ATG9B: variants seen among roughly 807,000 people sequenced by gnomAD.
ATG9B encodes the protein autophagy related 9B.
A neutral mutation model predicts 92.9 loss-of-function variants in ATG9B; 92 were observed. That is an observed-to-expected ratio of 0.99 (90% confidence interval 0.84 to 1.18). The LOEUF is 1.18. ATG9B is among the 50% of genes most tolerant of loss of function. The probability of loss-of-function intolerance (pLI) is 0.00; values close to 1 mark genes in which losing one functional copy is unlikely to be tolerated. For synonymous variants in ATG9B, 599 were observed against 551.4 expected (o/e 1.09, Z -1.21); for missense variants, 1,344 against 1,235.0 (o/e 1.09, Z -1.32).
rs1313150935 is a variant in ATG9B, at chr7:151,018,418, C to G, written c.1748G>C (p.Gly583Ala). ...CTGCAGCAGGAGCTGCGGCGCACGACCCTGGCACTGCTCTTCCGGAATGAA... is the reference window on the plus strand; with the variant it reads ...CTGCAGCAGGAGCTGCGGCGCACGAGCCTGGCACTGCTCTTCCGGAATGAA... ...RSFIPEEQCQ[G>A]RAPQLLLQTA... The change falls in exon 7 of 14, where the codon GGT (glycine) becomes GCT (alanine). Residue 583 changes from glycine to alanine, a missense_variant. Transcript: ENST00000639579. The surrounding 1 kb of genome is among the most constrained non-coding windows in gnomAD (Gnocchi z 4.7). 1.9e-6 allele frequency: 3 copies of G among 1,543,108 alleles called. No individual in the cohort carries two copies. The highest frequency in any genetic ancestry group is 2.6e-6 in the Non-Finnish European group (3 of 1,145,396).
At position 151,018,538 on chromosome 7, in the gene ATG9B, GTAAGGA is replaced by G; in HGVS notation, c.1718+76_1718+81del. On this transcript the variant is annotated intron_variant, in intron 6 of 13. Coordinates refer to ENST00000639579, the MANE Select transcript of ATG9B (RefSeq NM_001317056.2). This position sits in a 1 kb window ranked among gnomAD's most constrained non-coding sequence, Gnocchi z 4.7. ...CTAGAGGGCCCCAGTGGTGGGAGAG[GTAAGGA>G]TTCGGGGGGAACCTCACATGGCCCC... 1 of 1,527,432 alleles carries G rather than the reference GTAAGGA, an allele frequency of 6.5e-7. No individual in the cohort carries two copies. The highest frequency in any genetic ancestry group is 8.8e-7 in the Non-Finnish European group (1 of 1,139,788). 94.6% of individuals were successfully genotyped at this position (1,527,432 alleles called of 1,614,324 possible). A position where few individuals can be genotyped will look rare whatever the true frequency, so the allele number is the denominator to read the frequency against.
rs769824480 is a variant in ATG9B at position 151,017,981 on chromosome 7, G to T, written c.1942C>A (p.Arg648Ser). ...AAAAAGTCGATAATCTCCAGGGCAC[G>T]AGGGCGGAACCAGAAAAGCAGAAAC... ...PLFLLFWFRP[R>S]ALEIIDFFHH... Residue 648 changes from arginine to serine, a missense_variant, in exon 8 of 14, where the codon CGT (arginine) becomes AGT (serine). Coordinates refer to ENST00000639579, the MANE Select transcript of ATG9B (RefSeq NM_001317056.2). The T allele has an allele frequency of 2.5e-6, 4 of 1,606,064 alleles. No homozygotes were observed. In the South Asian group the frequency reaches 4.5e-5, roughly 18 times the overall value.
chr7:151,019,317 G>A lies in ATG9B; in HGVS notation c.1021C>T (p.Arg341Trp), dbSNP rs556780378. The part of the protein sequence containing the change: ...EVQSRLLALQ[R>W]SGGLCVQPRP... ...GGCTGCACGCACAGGCCCCCGCTCC[G>A]CTGCAGTGCCAAGAGGCGGGACTGC... The change falls in exon 6 of 14, where the codon CGG becomes TGG. Residue 341 changes from arginine (R) to tryptophan (W), a missense_variant. Physicochemically the swap from Arg to Trp is moderately radical, Grantham distance 101. Transcript: ENST00000639579. The A allele has an allele frequency of 6.3e-6, 10 of 1,576,526 alleles. No homozygotes were observed. Among genetic ancestry groups the A allele is most frequent in the Non-Finnish European group, 8.6e-6 (10 of 1,168,946 alleles).
intron 8 of ATG9B, 53 bp from the exon 9 acceptor site, chr7:151,017,325 C>G: frequency 6.7e-7 from 1 of 1,492,816 alleles, no homozygotes; most frequent in Non-Finnish European, 9.0e-7. Context: ...CTTATGGGAA[C>G]AGGTGGGACA....
rs947403573 is a variant in ATG9B at position 151,018,547 on chromosome 7, C to T, written c.1718+73G>A. On this transcript the variant is annotated intron_variant, in intron 6 of 13. Coordinates refer to ENST00000639579, the MANE Select transcript of ATG9B (RefSeq NM_001317056.2). The surrounding 1 kb of genome is among the most constrained non-coding windows in gnomAD (Gnocchi z 4.7). ...CCCAGTGGTGGGAGAGGTAAGGATT[C>T]GGGGGGAACCTCACATGGCCCCAGA... 2 of 1,533,198 alleles carry T rather than the reference C, an allele frequency of 1.3e-6. No individual in the cohort carries two copies. The allele number at this position is 1,533,198 out of a possible 1,614,324, so 95.0% of individuals were successfully genotyped here.
At position 151,022,947 on chromosome 7, in the gene ATG9B, A is replaced by C. The variant is rs753823586; in HGVS notation, c.821+98T>G. 225 of 1,500,392 alleles carry C rather than the reference A, an allele frequency of 1.5e-4. 1 individual carries two copies. Among genetic ancestry groups the C allele is most frequent in the Non-Finnish European group, 2.6e-5 (29 of 1,097,280 alleles). The allele number at this position is 1,500,392 out of a possible 1,614,324, so 92.9% of individuals were successfully genotyped here. On this transcript the variant is annotated intron_variant, in intron 4 of 13. Coordinates refer to ENST00000639579, the MANE Select transcript of ATG9B (RefSeq NM_001317056.2). ...GGTCCTAAGACCAAAAGCTTTGAGA[A>C]CTGCTGATCTAGATGACGGGACAAA...
At position 151,023,051 on chromosome 7, in the gene ATG9B, G is replaced by C; in HGVS notation, c.815C>G (p.Ala272Gly). The change falls in exon 4 of 14, where the codon GCT becomes GGT. Residue 272 changes from alanine (A) to glycine (G), a missense_variant. Physicochemically the swap from Ala to Gly is moderately conservative, Grantham distance 60. Transcript: ENST00000639579. ...SDAILPSAQC[A>G]ERIRSSPLLV... Reference sequence around the variant, plus strand: ...CCACCAGGTTGTCACTAACCTCTCAGCACACTGGGCTGAGGGTAGGATGGC... The same window carrying C: ...CCACCAGGTTGTCACTAACCTCTCACCACACTGGGCTGAGGGTAGGATGGC... 6 of 1,614,086 alleles carry C rather than the reference G, an allele frequency of 3.7e-6. No individual in the cohort carries two copies. The highest frequency in any genetic ancestry group is 5.1e-6 in the Non-Finnish European group (6 of 1,180,014).
chr7:151,013,514 G>T (rs1198231353), downstream of ATG9B: 3 of 1,235,926 alleles, frequency 2.4e-6, no homozygotes, highest in African/African-American at 4.5e-5. Context: ...GCACACTCTG[G>T]CCCACCCTTG....
At chr7:151,013,938 GCCTGAGCGTGCGGGGTT>G, downstream of ATG9B, 6 of 1,599,214 alleles carry the variant, frequency 3.8e-6, no homozygotes, top group Non-Finnish European at 5.1e-6. Context: ...GGCGGGCCGG[GCCTGAGCGTGCGGGGTT>G]CCTGCTAAGG....
chr7:151,019,256 A>G lies in ATG9B; in HGVS notation c.1082T>C (p.Ile361Thr), dbSNP rs759834027. The change falls in exon 6 of 14, where the codon ATC becomes ACC. Residue 361 changes from isoleucine (I) to threonine (T), a missense_variant. Transcript: ENST00000639579. ...PLTELDIHHR[I>T]LRYTNYQVAL... Reference sequence around the variant, plus strand: ...CACCTGGTAGTTGGTGTAGCGCAGGATGCGGTGGTGGATGTCCAGCTCCGT... The same window carrying G: ...CACCTGGTAGTTGGTGTAGCGCAGGGTGCGGTGGTGGATGTCCAGCTCCGT... 1.9e-6 allele frequency: 3 copies of G among 1,573,596 alleles called. No homozygotes were observed. The South Asian group carries it at 3.4e-5, about 18-fold the overall frequency.
At chr7:151,022,267 A>G (rs574753047) in intron 4 of ATG9B, among the ~76,000 whole-genome samples, 1 of 148,024 alleles carries the variant, frequency 6.8e-6, no homozygotes, top group Admixed American at 6.7e-5. Flanking sequence ...GACTAGGCTT[A>G]GCTAGGACTG....
In ATG9B at chr7:151,017,963, C is replaced by T; in HGVS notation, c.1960G>A (p.Asp654Asn). 1 of 1,607,870 alleles carries T rather than the reference C, an allele frequency of 6.2e-7. No individual in the cohort carries two copies. Among genetic ancestry groups the T allele is most frequent in the Non-Finnish European group, 8.5e-7 (1 of 1,176,924 alleles). The part of the protein sequence containing the change: ...WFRPRALEII[D>N]FFHHFTVDVA... ...TCCACAGTGAAGTGATGAAAAAAGT[C>T]GATAATCTCCAGGGCACGAGGGCGG... Residue 654 changes from aspartate (D) to asparagine (N), a missense_variant, in exon 8 of 14, where the codon GAC becomes AAC. Coordinates refer to ENST00000639579, the MANE Select transcript of ATG9B (RefSeq NM_001317056.2).
downstream of ATG9B, chr7:151,014,072 G>A (rs750442776): frequency 7.4e-6 from 12 of 1,613,734 alleles, no homozygotes; most frequent in South Asian, 2.2e-5. Flanking sequence ...GTGACAAGCC[G>A]CATACGCACC....
downstream of ATG9B, chr7:151,014,025 C>T (rs141211712): frequency 1.3e-3 from 2,053 of 1,613,066 alleles, 4 homozygotes; most frequent in Non-Finnish European, 1.7e-3. Flanking sequence ...AACGCTACCA[C>T]GAAGACATTT....
chr7:151,018,927 G>T lies in ATG9B; in HGVS notation c.1411C>A (p.Arg471Ser). Residue 471 changes from arginine to serine, a missense_variant, in exon 6 of 14, where the codon CGC becomes AGC. Transcript: ENST00000639579. This position sits in a 1 kb window ranked among gnomAD's most constrained non-coding sequence, Gnocchi z 4.7. ...CGCGCCCCCAGCGCGCCAGGCTCGC[G>T]CCGCAGCAGCTCCACGTGGCTATAG... ...VFYSHVELLR[R>S]EPGALGARGW... 1 of 1,529,488 alleles carries T rather than the reference G, an allele frequency of 6.5e-7. No individual in the cohort carries two copies. The allele number at this position is 1,529,488 out of a possible 1,614,324, so 94.7% of individuals were successfully genotyped here.
At chr7:151,012,764 G>T, downstream of ATG9B, 2 of 365,206 alleles carry the variant, frequency 5.5e-6, no homozygotes, top group South Asian at 4.1e-5. Context: ...GCCCAAGGTG[G>T]ATTCTTGACT....
At position 151,023,542 on chromosome 7, in the gene ATG9B, C is replaced by T. The variant is rs370544589; in HGVS notation, c.595-33G>A. 246 of 1,612,604 alleles carry T rather than the reference C, an allele frequency of 1.5e-4. No individual in the cohort carries two copies. The African/African-American group carries it at 2.3e-3, about 15-fold the overall frequency. ...CGTGTCAAGGAACAAGCCTGAGGCA[C>T]GGGGGGCCTCTCCTGAGGACACCTC... On this transcript the variant is annotated intron_variant, in intron 2 of 13. Transcript: ENST00000639579.
In ATG9B at chr7:151,019,051, G is replaced by T. The variant is rs756545765; in HGVS notation, c.1287C>A (p.Gly429=). 1.3e-6 allele frequency: 2 copies of T among 1,538,168 alleles called. No homozygotes were observed. Among genetic ancestry groups the T allele is most frequent in the South Asian group, 2.4e-5 (2 of 83,902 alleles). The part of the protein sequence containing the change: ...PHAYKRSDQR[G]ALAARWGRTV... ...TGCGCCCCCAGCGCGCTGCTAGGGCGCCCCGCTGGTCGCTGCGCTTGTAGG... is the reference window on the plus strand; with the variant it reads ...TGCGCCCCCAGCGCGCTGCTAGGGCTCCCCGCTGGTCGCTGCGCTTGTAGG... Residue 429 remains glycine, a synonymous_variant, in exon 6 of 14, where the codon GGC becomes GGA. Transcript: ENST00000639579.
In ATG9B at chr7:151,016,246, A is replaced by C. The variant is rs1795477132; in HGVS notation, c.2521-11T>G. ...CTGCTGCTGGTGAAGCTGCATGGAA[A>C]GGAGGAGGAATGAGGGCTGCACCCC... On this transcript the variant is annotated splice_polypyrimidine_tract_variant and intron_variant, in intron 11 of 13. Coordinates refer to ENST00000639579, the MANE Select transcript of ATG9B (RefSeq NM_001317056.2). 2.7e-6 allele frequency: 4 copies of C among 1,487,142 alleles called. No individual in the cohort carries two copies. The South Asian group carries it at 4.1e-5, about 15-fold the overall frequency. 92.1% of individuals were successfully genotyped at this position (1,487,142 alleles called of 1,614,324 possible).
Sources: gnomAD v4.1 joint callset for allele counts (sites outside exome capture counted in the v4.1 genomes callset) on GRCh38, gnomAD v4.1.1 for gene constraint, Gnocchi (gnomAD v3.1) non-coding constraint, MANE v1.5 for transcripts, NCBI Gene and HGNC (gene_info 2026-07-23, HGNC 2026-07-21) for gene names.